The following GRM8 variants were observed in gnomAD, a reference collection of about 807,000 sequenced individuals.
GRM8 encodes the protein metabotropic glutamate receptor 8.
A neutral mutation model predicts 87.2 loss-of-function variants in GRM8; 47 were observed. That is an observed-to-expected ratio of 0.54 (90% CI 0.43 to 0.69). The LOEUF is 0.69. Among genes scored for constraint, GRM8 ranks in the 30% least tolerant of loss-of-function variants. The pLI is 0.00. For missense variants in GRM8, 1,019 were observed against 1,139.2 expected (o/e 0.89, Z 1.52); for synonymous variants, 396 against 404.5 (o/e 0.98, Z 0.25).
intron 6 of GRM8, among the ~76,000 whole-genome samples, chr7:126,771,892 C>G (rs985536910): frequency 6.6e-6 from 1 of 152,072 alleles, no homozygotes; most frequent in African/African-American, 2.4e-5. Flanking sequence ...CCCTTAGCTG[C>G]ATGATCTAAG....
chr7:127,246,529 G>A (rs982594417), intron 1 of GRM8, among the ~76,000 whole-genome samples: 1 of 152,136 alleles, frequency 6.6e-6, no homozygotes, highest in East Asian at 1.9e-4. Flanking sequence ...GGGAGAGGCC[G>A]TGGAACCCTT....
At chr7:126,444,903 T>C (rs546812832) in intron 10 of GRM8, among the ~76,000 whole-genome samples, 5 of 151,972 alleles carry the variant, frequency 3.3e-5, no homozygotes, top group Admixed American at 2.0e-4. Context: ...CCTAGCACTT[T>C]TGGAGGCTTA....
intron 7 of GRM8, among the ~76,000 whole-genome samples, chr7:126,654,009 G>A (rs990679499): frequency 5.9e-5 from 9 of 152,174 alleles, no homozygotes; most frequent in Admixed American, 3.3e-4. Flanking sequence ...AGTCCATATC[G>A]TGGGATCATA....
chr7:126,904,564 T>A lies in GRM8; in HGVS notation c.847A>T (p.Asn283Tyr), dbSNP rs779110191. Residue 283 changes from asparagine (N) to tyrosine (Y), a missense_variant, in exon 4 of 11, where the codon AAT becomes TAT. Coordinates refer to ENST00000339582, the MANE Select transcript of GRM8 (RefSeq NM_000845.3). ...AATCAGCACCTGATGTCATCCTCAT[T>A]GGCAAACATAATCACTGCTCGAGCA... ...PNARAVIMFANEDDIRRILEA... is the reference protein window; with the variant it reads ...PNARAVIMFAYEDDIRRILEA... The A allele has an allele frequency of 6.2e-7, 1 of 1,613,756 alleles. No homozygotes were observed. The highest frequency in any genetic ancestry group is 2.2e-5 in the East Asian group (1 of 44,858).
chr7:126,496,556 A>C (rs772350336), intron 9 of GRM8, among the ~76,000 whole-genome samples: 3 of 151,804 alleles, frequency 2.0e-5, no homozygotes, highest in Non-Finnish European at 4.4e-5. Context: ...AGATGCTAAC[A>C]GACTTTTCTG....
chr7:126,573,789 T>C (rs2150992169), intron 8 of GRM8, among the ~76,000 whole-genome samples: 1 of 152,226 alleles, frequency 6.6e-6, no homozygotes, highest in African/African-American at 2.4e-5. Flanking sequence ...TTTCACCATG[T>C]TGCTCAGGCT....
At chr7:126,822,024 A>G (rs1203025339) in intron 6 of GRM8, among the ~76,000 whole-genome samples, 2 of 152,130 alleles carry the variant, frequency 1.3e-5, no homozygotes, top group African/African-American at 4.8e-5. Flanking sequence ...ATATTTATTC[A>G]TTATTAAATT....
intron 2 of GRM8, among the ~76,000 whole-genome samples, chr7:127,113,939 G>A (rs189345024): frequency 3.3e-3 from 500 of 152,196 alleles, no homozygotes; most frequent in Middle Eastern, 0.01. Context: ...CAACTCTCCC[G>A]ACACTGCCCT....
chr7:126,713,682 G>A (rs1811381148), intron 7 of GRM8, among the ~76,000 whole-genome samples: 1 of 151,572 alleles, frequency 6.6e-6, no homozygotes. Context: ...AGATAATACA[G>A]TGGCATTCTT....
At chr7:127,031,827 C>T (rs1237360302) in intron 3 of GRM8, among the ~76,000 whole-genome samples, 1 of 152,056 alleles carries the variant, frequency 6.6e-6, no homozygotes. Context: ...TCTTAAGCTC[C>T]ATAAGTGCCT....
chr7:126,492,958 A>T (rs573357384), intron 9 of GRM8, among the ~76,000 whole-genome samples: 1 of 152,072 alleles, frequency 6.6e-6, no homozygotes, highest in Non-Finnish European at 1.5e-5. Flanking sequence ...ACATATCAGT[A>T]TGGGCACCAG....
chr7:127,102,346 A>G (rs1449880946), intron 3 of GRM8, among the ~76,000 whole-genome samples: 2 of 152,238 alleles, frequency 1.3e-5, no homozygotes, highest in African/African-American at 2.4e-5. Context: ...AGATATTTGC[A>G]TAACTAAAAA....
chr7:127,073,676 T>C (rs1395405331), intron 3 of GRM8, among the ~76,000 whole-genome samples: 1 of 152,226 alleles, frequency 6.6e-6, no homozygotes. Context: ...GCATGAGTCA[T>C]TTGAAGTTCA....
At chr7:127,040,141 C>T (rs1818288574) in intron 3 of GRM8, among the ~76,000 whole-genome samples, 1 of 147,554 alleles carries the variant, frequency 6.8e-6, no homozygotes, top group African/African-American at 2.5e-5. Context: ...TACTATAGTC[C>T]AGGTCTAAGG....
intron 9 of GRM8, among the ~76,000 whole-genome samples, chr7:126,472,803 G>A (rs968779019): frequency 1.8e-4 from 27 of 152,196 alleles, no homozygotes; most frequent in East Asian, 5.8e-4. Context: ...CTACTGCTTC[G>A]TGCAGTCTCG....
intron 6 of GRM8, among the ~76,000 whole-genome samples, chr7:126,817,658 C>T (rs1190778909): frequency 1.3e-5 from 2 of 152,120 alleles, no homozygotes; most frequent in East Asian, 3.8e-4. Context: ...TAAACACATC[C>T]TAACCACTTT....
Position 126,686,377 on chromosome 7 carries a change from C to T in GRM8, c.1358-76879G>A, listed in dbSNP as rs147430141. 6.6e-5 allele frequency among the ~76,000 whole-genome samples: 10 copies of T among 152,286 alleles called. No homozygotes were observed. The East Asian group carries it at 1.7e-3, about 27-fold the overall frequency. The stretch of plus-strand genomic sequence containing the variant: ...AGGGCTGAAACATGCCCCTTGCTTG[C>T]CACGTTGTGGGTGAAGAGAAGGAGA... On this transcript the variant is annotated intron_variant, in intron 7 of 10. Transcript: ENST00000339582.
At chr7:127,004,071 TACTC>T (rs1275683436) in intron 3 of GRM8, among the ~76,000 whole-genome samples, 3 of 151,718 alleles carry the variant, frequency 2.0e-5, no homozygotes, top group Admixed American at 2.0e-4. Context: ...TAATAAAAAG[TACTC>T]AAACTAGGCG....
At chr7:127,136,735 T>G (rs1169162311) in intron 2 of GRM8, among the ~76,000 whole-genome samples, 1 of 151,838 alleles carries the variant, frequency 6.6e-6, no homozygotes, top group Non-Finnish European at 1.5e-5. Flanking sequence ...AAGAGTAAAT[T>G]TATTGTTCAC....
Sources: allele counts gnomAD v4.1 joint callset (sites outside exome capture counted in the v4.1 genomes callset), GRCh38; gene constraint gnomAD v4.1.1; transcripts MANE v1.5; gene names NCBI Gene and HGNC (gene_info 2026-07-23, HGNC 2026-07-21).